Variants in MACROD2 observed in about 807,000 individuals in gnomAD.
The protein encoded by MACROD2 is ADP-ribose glycohydrolase MACROD2.
Under a neutral mutation model 70.4 loss-of-function variants are expected in MACROD2, and 36 were observed. That is an observed-to-expected ratio of 0.51 (90% CI 0.39 to 0.68). MACROD2 has a LOEUF of 0.68. Ranked by LOEUF, MACROD2 falls within the 30% of genes least tolerant of loss-of-function variation. MACROD2 has a pLI of 0.00. For missense variants in MACROD2, 496 were observed against 538.4 expected (o/e 0.92, Z 0.78); for synonymous variants, 172 against 178.8 (o/e 0.96, Z 0.30).
At chr20:15,164,822 T>G (rs462472) in intron 5 of MACROD2, among the ~76,000 whole-genome samples, 125,348 of 152,076 alleles carry the variant, frequency 0.82, 52,045 homozygotes, top group African/African-American at 0.93. Flanking sequence ...GATCACTTGG[T>G]CCCAAGAGTT....
chr20:14,795,907 A>G (rs2072504364), intron 5 of MACROD2, among the ~76,000 whole-genome samples: 1 of 152,032 alleles, frequency 6.6e-6, no homozygotes, highest in Admixed American at 6.6e-5. Context: ...AAAGGAGCCA[A>G]GTGTATCTTG....
intron 6 of MACROD2, among the ~76,000 whole-genome samples, chr20:15,297,277 A>G (rs113968670): frequency 6.6e-6 from 1 of 152,128 alleles, no homozygotes; most frequent in Non-Finnish European, 1.5e-5. Context: ...TTTGCTACAC[A>G]CATATGGACT....
intron 3 of MACROD2, among the ~76,000 whole-genome samples, chr20:14,112,539 G>A (rs932474470): frequency 1.3e-5 from 2 of 151,896 alleles, no homozygotes; most frequent in Non-Finnish European, 2.9e-5. Flanking sequence ...CATTTTTGAT[G>A]TATAGTTTTA....
intron 4 of MACROD2, among the ~76,000 whole-genome samples, chr20:14,629,947 G>C (rs1401180852): frequency 7.0e-6 from 1 of 141,864 alleles, no homozygotes; most frequent in Non-Finnish European, 1.5e-5. Context: ...CCTATTATGT[G>C]CTAAGGTCTA....
intron 5 of MACROD2, among the ~76,000 whole-genome samples, chr20:14,736,558 G>A (rs977401142): frequency 7.2e-5 from 11 of 152,098 alleles, no homozygotes; most frequent in Non-Finnish European, 1.0e-4. Flanking sequence ...GTATTTACAT[G>A]AAGTATCTCC....
chr20:14,971,671 ACT>A (rs2074692894), intron 5 of MACROD2, among the ~76,000 whole-genome samples: 1 of 151,750 alleles, frequency 6.6e-6, no homozygotes, highest in South Asian at 2.1e-4. Context: ...TCATCTGAAG[ACT>A]CAACCTGGCT....
chr20:14,971,532 G>A (rs371211430), intron 5 of MACROD2, among the ~76,000 whole-genome samples: 78 of 151,986 alleles, frequency 5.1e-4, no homozygotes, highest in African/African-American at 1.4e-3. Flanking sequence ...TTAAATCACC[G>A]CAGAATCCAG....
intron 8 of MACROD2, among the ~76,000 whole-genome samples, chr20:15,570,320 G>A (rs1395505597): frequency 6.6e-6 from 1 of 152,102 alleles, no homozygotes; most frequent in Non-Finnish European, 1.5e-5. Flanking sequence ...TCTTCATGTA[G>A]CTCTTAGAAT....
intron 8 of MACROD2, among the ~76,000 whole-genome samples, chr20:15,560,100 A>G (rs13042710): frequency 0.089 from 13,566 of 152,230 alleles, 728 homozygotes; most frequent in South Asian, 0.16. Context: ...ACATATGGCT[A>G]TGGTGGTCTC....
intron 3 of MACROD2, among the ~76,000 whole-genome samples, chr20:14,115,420 C>G (rs1354926958): frequency 6.6e-6 from 1 of 152,158 alleles, no homozygotes; most frequent in African/African-American, 2.4e-5. Flanking sequence ...CAGTAAAACC[C>G]CCACCATGCT....
intron 5 of MACROD2, among the ~76,000 whole-genome samples, chr20:14,932,017 A>AG (rs1347194632): frequency 6.6e-6 from 1 of 151,582 alleles, no homozygotes; most frequent in African/African-American, 2.4e-5. Flanking sequence ...AAAAAAAAAA[A>AG]AAAAAAAATC....
At chr20:14,989,139 C>T (rs1353449457) in intron 5 of MACROD2, among the ~76,000 whole-genome samples, 1 of 151,762 alleles carries the variant, frequency 6.6e-6, no homozygotes, top group Non-Finnish European at 1.5e-5. Flanking sequence ...AGAATTTTAG[C>T]TTTTTTGGAA....
At chr20:15,477,097 T>C (rs1243448273) in intron 7 of MACROD2, among the ~76,000 whole-genome samples, 1 of 122,126 alleles carries the variant, frequency 8.2e-6, no homozygotes, top group Non-Finnish European at 1.6e-5. Context: ...TCTCTATTTT[T>C]AGTTTTTTTT....
Position 15,731,222 on chromosome 20 carries a change from A to G in MACROD2, c.646-131523A>G, listed in dbSNP as rs187651766. On this transcript the variant is annotated intron_variant, in intron 8 of 17. Transcript: ENST00000684519. ...TAAGAACCTTTGCTTAGAAACTAGT[A>G]TAGTCACTTGGAGGTAAGAAGATAG... Among the ~76,000 whole-genome samples, 574 of 58,890 alleles carry G rather than the reference A, an allele frequency of 9.7e-3. 231 individuals are homozygous for G. Among genetic ancestry groups the G allele is most frequent in the African/African-American group, 0.025 (538 of 21,312 alleles). The allele number at this position is 58,890 out of a possible 152,430, so 38.6% of individuals were successfully genotyped here. A position where few individuals can be genotyped will look rare whatever the true frequency, so the allele number is the denominator to read the frequency against.
At chr20:16,032,507 TCA>T (rs1438540661) in intron 15 of MACROD2, among the ~76,000 whole-genome samples, 1 of 150,832 alleles carries the variant, frequency 6.6e-6, no homozygotes, top group Admixed American at 6.6e-5. Flanking sequence ...AGTCTTAAAT[TCA>T]AGGAAGAAAG....
At chr20:15,523,987 C>T (rs1207381307) in intron 8 of MACROD2, among the ~76,000 whole-genome samples, 1 of 152,072 alleles carries the variant, frequency 6.6e-6, no homozygotes, top group Non-Finnish European at 1.5e-5. Context: ...AGCTAAGTTC[C>T]ATGATCAAGG....
At chr20:15,539,656 A>G (rs1026925670) in intron 8 of MACROD2, among the ~76,000 whole-genome samples, 28 of 152,266 alleles carry the variant, frequency 1.8e-4, no homozygotes, top group Non-Finnish European at 3.2e-4. Context: ...CAAGAAAAAA[A>G]TTTTGACTTC....
At chr20:15,563,330 T>C (rs1359176848) in intron 8 of MACROD2, among the ~76,000 whole-genome samples, 1 of 152,172 alleles carries the variant, frequency 6.6e-6, no homozygotes, top group East Asian at 1.9e-4. Context: ...TCCTAAAGCC[T>C]CTTTTTCTCT....
At position 15,141,914 on chromosome 20, in the gene MACROD2, T is replaced by C. The variant is rs535749659; in HGVS notation, c.419-88026T>C. On this transcript the variant is annotated intron_variant, in intron 5 of 17. Transcript: ENST00000684519. ...TGCCAGGAAACCCAGATCGAGCTTG[T>C]GCTTCCCAAGTCTTGATGCTTCTCC... Among the ~76,000 whole-genome samples the C allele has an allele frequency of 2.4e-4, 36 of 152,300 alleles. 1 individual carries two copies. The South Asian group carries it at 7.2e-3, about 31-fold the overall frequency.
Sources: allele counts gnomAD v4.1 joint callset (sites outside exome capture counted in the v4.1 genomes callset), GRCh38; gene constraint gnomAD v4.1.1; transcripts MANE v1.5; gene names NCBI Gene and HGNC (gene_info 2026-07-23, HGNC 2026-07-21).